Variants in EPRS1 observed in about 807,000 individuals in gnomAD.
The protein encoded by EPRS1 is bifunctional glutamate/proline--tRNA ligase.
A neutral mutation model predicts 188.3 loss-of-function variants in EPRS1; 107 were observed. The observed-to-expected ratio is 0.57, with a 90% confidence interval of 0.49 to 0.67. The LOEUF is 0.67. EPRS1 is among the 30% of genes least tolerant of loss of function. The pLI, the probability that EPRS1 is intolerant of heterozygous loss-of-function variation, is 0.00. For missense variants in EPRS1, 1,577 were observed against 1,802.2 expected (o/e 0.88, Z 2.26); for synonymous variants, 596 against 593.1 (o/e 1.00, Z -0.07).
At chr1:219,984,621 C>T (rs1660968216) in intron 20 of EPRS1, among the ~76,000 whole-genome samples, 1 of 152,160 alleles carries the variant, frequency 6.6e-6, no homozygotes, top group East Asian at 1.9e-4. Flanking sequence ...CAGGGTCTCG[C>T]TATGTTGCCC....
Position 219,983,253 on chromosome 1 carries a change from G to A in EPRS1, c.3236C>T (p.Pro1079Leu). 1 of 1,614,048 alleles carries A rather than the reference G, an allele frequency of 6.2e-7. No homozygotes were observed. Among genetic ancestry groups the A allele is most frequent in the Non-Finnish European group, 8.5e-7 (1 of 1,179,972 alleles). Residue 1079 changes from proline to leucine, a missense_variant, in exon 22 of 32, where the codon CCC (proline) becomes CTC (leucine). By Grantham distance (98) the Pro-to-Leu change is moderately conservative. This residue lies in a region of EPRS1 where 1,278 missense variants were observed against 1,457.4 expected (regional missense o/e 0.88). Transcript: ENST00000366923. Reference protein sequence around the residue: ...KKLGVENCYFPMFVSQSALEK... With the variant: ...KKLGVENCYFLMFVSQSALEK... ...TAATGCACTTTGAGACACAAACATG[G>A]GGAAGTAGCAGTTTTCAACACCAAG... is the stretch of plus-strand genomic sequence containing the variant.
chr1:220,008,829 T>C (rs2102582137), intron 13 of EPRS1, among the ~76,000 whole-genome samples: 1 of 152,210 alleles, frequency 6.6e-6, no homozygotes, highest in African/African-American at 2.4e-5. Context: ...GCATGAACCA[T>C]AATGCCTGGT....
intron 12 of EPRS1, among the ~76,000 whole-genome samples, chr1:220,016,975 G>A (rs555889943): frequency 1.4e-3 from 218 of 152,234 alleles, no homozygotes; most frequent in South Asian, 2.9e-3. Flanking sequence ...AGCACTTTGG[G>A]AGGCAGAGGT....
chr1:220,020,696 G>A (rs1298196818), intron 9 of EPRS1, among the ~76,000 whole-genome samples: 2 of 42,626 alleles, frequency 4.7e-5, no homozygotes, highest in East Asian at 1.5e-3. Context: ...CATTCACTGT[G>A]TAAAAAAAAA....
At position 220,045,554 on chromosome 1, in the gene EPRS1, T is replaced by C. The variant is rs535400128; in HGVS notation, c.46+789A>G. Among the ~76,000 whole-genome samples, 3 of 152,150 alleles carry C rather than the reference T, an allele frequency of 2.0e-5. No individual in the cohort carries two copies. In the East Asian group the frequency reaches 5.8e-4, roughly 29 times the overall value. Reference sequence around the variant, plus strand: ...ACTACTTAAATTCTTCTGTGTAATTTCCCAAAGTAATGAAAAAGCAGAAAT... The same window carrying C: ...ACTACTTAAATTCTTCTGTGTAATTCCCCAAAGTAATGAAAAAGCAGAAAT... On this transcript the variant is annotated intron_variant, in intron 1 of 31. Coordinates refer to ENST00000366923, the MANE Select transcript of EPRS1 (RefSeq NM_004446.3).
chr1:220,011,869 A>G (rs1321392443), intron 12 of EPRS1, among the ~76,000 whole-genome samples: 4 of 152,242 alleles, frequency 2.6e-5, no homozygotes, highest in Non-Finnish European at 5.9e-5. Flanking sequence ...TATAAAGCAC[A>G]TGTGAGAAAA....
intron 12 of EPRS1, among the ~76,000 whole-genome samples, chr1:220,014,005 A>C (rs1661653583): frequency 6.6e-6 from 1 of 152,190 alleles, no homozygotes; most frequent in Non-Finnish European, 1.5e-5. Context: ...TTTTGTTTAA[A>C]GGAACAAATC....
intron 1 of EPRS1, among the ~76,000 whole-genome samples, chr1:220,042,181 C>CAAA (rs1204286086): frequency 6.4e-5 from 4 of 62,670 alleles, no homozygotes; most frequent in Admixed American, 1.8e-4. Flanking sequence ...ACTCCGTCCC[C>CAAA]AAAAAAAAAA....
chr1:220,013,457 C>A (rs545107222), intron 12 of EPRS1, among the ~76,000 whole-genome samples: 5 of 152,174 alleles, frequency 3.3e-5, no homozygotes, highest in Admixed American at 6.5e-5. Context: ...AAATAAGGCT[C>A]TTTCTCCAAA....
At chr1:219,971,918 T>A in intron 30 of EPRS1, 151 bp downstream of exon 30, 1 of 332,980 alleles carries the variant, frequency 3.0e-6, no homozygotes, top group East Asian at 4.9e-5. Flanking sequence ...TTAGATTATA[T>A]ATTTATACGT....
chr1:220,024,767 C>T (rs1661943383), intron 7 of EPRS1, among the ~76,000 whole-genome samples: 1 of 152,136 alleles, frequency 6.6e-6, no homozygotes, highest in South Asian at 2.1e-4. Flanking sequence ...TGCCATACTT[C>T]TGAATAAAGA....
In EPRS1 at chr1:220,046,339, T is replaced by C. The variant is rs761411199; in HGVS notation, c.46+4A>G. 1.2e-6 allele frequency: 2 copies of C among 1,613,972 alleles called. No homozygotes were observed. Among genetic ancestry groups the C allele is most frequent in the Admixed American group, 1.7e-5 (1 of 60,000 alleles). On this transcript the variant is annotated splice_donor_region_variant and intron_variant, in intron 1 of 31. Coordinates refer to ENST00000366923, the MANE Select transcript of EPRS1 (RefSeq NM_004446.3). ...CACACAGGTCATTGGTCTCGGCCCC[T>C]TACCTAGCGGAGGGTCTCCTGAATT...
intron 23 of EPRS1, 135 bp downstream of exon 23, chr1:219,982,637 C>A: frequency 1.5e-6 from 1 of 666,762 alleles, no homozygotes; most frequent in Non-Finnish European, 2.6e-6. Flanking sequence ...TGCATTCAAT[C>A]TTCATCAACA....
intron 12 of EPRS1, among the ~76,000 whole-genome samples, chr1:220,017,577 C>A (rs1310758819): frequency 6.6e-6 from 1 of 152,124 alleles, no homozygotes; most frequent in African/African-American, 2.4e-5. Context: ...ATTCAAGACA[C>A]ATGCGAAACA....
At chr1:220,033,742 T>A in intron 3 of EPRS1, 84 bp from the exon 4 acceptor site, 2 of 911,552 alleles carry the variant, frequency 2.2e-6, no homozygotes, top group Non-Finnish European at 3.5e-6. Context: ...TCTAGTTAAC[T>A]AGAGCAACAG....
intron 30 of EPRS1, among the ~76,000 whole-genome samples, chr1:219,970,157 A>G (rs1278832407): frequency 6.6e-6 from 1 of 152,310 alleles, no homozygotes; most frequent in African/African-American, 2.4e-5. Flanking sequence ...TGTGAATGCT[A>G]ATTTTTAAAG....
chr1:220,016,716 T>TC (rs1260661789), intron 12 of EPRS1, among the ~76,000 whole-genome samples: 2 of 131,126 alleles, frequency 1.5e-5, no homozygotes, highest in Non-Finnish European at 3.2e-5. Context: ...CCTGGCTTTT[T>TC]TTTTTTTTTT....
intron 13 of EPRS1, among the ~76,000 whole-genome samples, chr1:220,007,823 G>C (rs528626537): frequency 6.6e-6 from 1 of 152,260 alleles, no homozygotes; most frequent in East Asian, 1.9e-4. Flanking sequence ...CCAGCACTTT[G>C]GGTGGCCACT....
At chr1:220,023,664 G>A (rs1452497693) in intron 8 of EPRS1, among the ~76,000 whole-genome samples, 2 of 152,174 alleles carry the variant, frequency 1.3e-5, no homozygotes, top group Non-Finnish European at 2.9e-5. Flanking sequence ...AGTATTTAAA[G>A]TAAGAAAACT....
Sources: allele counts gnomAD v4.1 joint callset (sites outside exome capture counted in the v4.1 genomes callset), GRCh38; gene constraint gnomAD v4.1.1; regional missense constraint gnomAD v4.1.1; transcripts MANE v1.5; gene names NCBI Gene and HGNC (gene_info 2026-07-23, HGNC 2026-07-21).